The following ABCC5 variants were observed in gnomAD, a reference collection of about 807,000 sequenced individuals.
ABCC5 encodes the protein ATP binding cassette subfamily C member 5.
A neutral mutation model predicts 160.9 loss-of-function variants in ABCC5; 61 were observed. The observed-to-expected ratio is 0.38, with a 90% confidence interval of 0.31 to 0.47. ABCC5 has a LOEUF of 0.47. Ranked by LOEUF, ABCC5 falls within the 20% of genes least tolerant of loss-of-function variation. The pLI is 0.99. For missense variants in ABCC5, 1,308 were observed against 1,813.3 expected (o/e 0.72, Z 5.06); for synonymous variants, 666 against 700.6 (o/e 0.95, Z 0.78).
intron 26 of ABCC5, among the ~76,000 whole-genome samples, chr3:183,933,897 G>A (rs2108769070): frequency 6.6e-6 from 1 of 152,208 alleles, no homozygotes; most frequent in East Asian, 1.9e-4. Context: ...GGCTAATGGT[G>A]GTGGAGGCGC....
chr3:183,972,227 C>T (rs1191238416), intron 10 of ABCC5, among the ~76,000 whole-genome samples: 1 of 152,182 alleles, frequency 6.6e-6, no homozygotes, highest in African/African-American at 2.4e-5. Flanking sequence ...AACTGACTGG[C>T]ACGTAGCCCC....
intron 11 of ABCC5, among the ~76,000 whole-genome samples, chr3:183,969,897 C>T (rs1297759342): frequency 6.6e-6 from 1 of 152,082 alleles, no homozygotes; most frequent in Non-Finnish European, 1.5e-5. Context: ...TTTTCATATA[C>T]ACTGCATTCA....
intron 8 of ABCC5, among the ~76,000 whole-genome samples, chr3:183,979,470 G>A (rs1718517072): frequency 1.3e-5 from 2 of 152,152 alleles, no homozygotes. Flanking sequence ...GAAGATAGGT[G>A]AAATACAATT....
chr3:183,924,290 G>C (rs1712307470), intron 29 of ABCC5, among the ~76,000 whole-genome samples: 1 of 152,084 alleles, frequency 6.6e-6, no homozygotes, highest in Admixed American at 6.6e-5. Flanking sequence ...AAACTGCTGG[G>C]ATTACAGGCA....
intron 2 of ABCC5, among the ~76,000 whole-genome samples, chr3:183,999,345 T>C (rs1207651877): frequency 2.0e-5 from 3 of 152,062 alleles, no homozygotes; most frequent in Admixed American, 6.5e-5. Context: ...ATCAACATTC[T>C]AAGGTTGAAT....
intron 2 of ABCC5, among the ~76,000 whole-genome samples, chr3:184,003,496 G>C (rs1421255899): frequency 6.6e-6 from 1 of 152,068 alleles, no homozygotes; most frequent in Admixed American, 6.6e-5. Context: ...AACCTATATG[G>C]GGAAGAAGCA....
intron 25 of ABCC5, among the ~76,000 whole-genome samples, chr3:183,940,277 T>C (rs995153283): frequency 5.3e-5 from 8 of 150,334 alleles, no homozygotes; most frequent in Non-Finnish European, 1.2e-4. Context: ...GTGGGTGGAT[T>C]ACTTGAGGCC....
At chr3:183,923,177 A>T (rs1342126127) in intron 29 of ABCC5, among the ~76,000 whole-genome samples, 2 of 148,160 alleles carry the variant, frequency 1.3e-5, no homozygotes, top group East Asian at 2.0e-4. Context: ...TTTTTTTTTT[A>T]GGCTTTCCTG....
chr3:183,921,504 C>T lies in ABCC5; in HGVS notation c.4213-103G>A. ...TGCCAGTGCCCTCTGAGGGTAGAAT[C>T]TGGGGACAATTCAACTAGCCCTGCG... On this transcript the variant is annotated intron_variant, in intron 29 of 29. Transcript: ENST00000334444. The surrounding 1 kb of genome is among the most constrained non-coding windows in gnomAD (Gnocchi z 4.1). 1 of 1,051,034 alleles carries T rather than the reference C, an allele frequency of 9.5e-7. No homozygotes were observed. The highest frequency in any genetic ancestry group is 2.1e-5 in the South Asian group (1 of 48,570). 65.1% of individuals were successfully genotyped at this position (1,051,034 alleles called of 1,614,324 possible).
chr3:183,967,936 T>C (rs1717377262), intron 11 of ABCC5, among the ~76,000 whole-genome samples, 170 bp from the exon 12 acceptor site: 1 of 152,096 alleles, frequency 6.6e-6, no homozygotes, highest in Admixed American at 6.6e-5. Flanking sequence ...ATCTCATGGG[T>C]TTCTGTGGAG....
intron 26 of ABCC5, among the ~76,000 whole-genome samples, chr3:183,936,659 C>A (rs1560474218): frequency 6.6e-6 from 1 of 152,146 alleles, no homozygotes; most frequent in Non-Finnish European, 1.5e-5. Context: ...AGGCGCCCAC[C>A]ACCACGCCCG....
intron 29 of ABCC5, among the ~76,000 whole-genome samples, chr3:183,924,835 T>C (rs910810968): frequency 6.6e-6 from 1 of 152,168 alleles, no homozygotes; most frequent in Non-Finnish European, 1.5e-5. Flanking sequence ...GGGGGTTTCA[T>C]GGAGGCTTTG....
chr3:183,970,746 T>C (rs1424194394), intron 11 of ABCC5, among the ~76,000 whole-genome samples: 2 of 152,126 alleles, frequency 1.3e-5, no homozygotes, highest in African/African-American at 4.8e-5. Context: ...CTCTGTCCCC[T>C]TCTGTCATAG....
rs563253011 is a variant in ABCC5, at chr3:184,015,936, G to C, written c.-55-1489C>G. ...CTAGCTTAGCTGATTATCTGGAAGA[G>C]GAAAAGATTAGTACTACCTTTTTAA... is the stretch of plus-strand genomic sequence containing the variant. On this transcript the variant is annotated intron_variant, in intron 1 of 29. Coordinates refer to ENST00000334444, the MANE Select transcript of ABCC5 (RefSeq NM_005688.4). Among the ~76,000 whole-genome samples, 297 of 152,312 alleles carry C rather than the reference G, an allele frequency of 1.9e-3. 2 individuals are homozygous for C. The highest frequency in any genetic ancestry group is 7.0e-3 in the Admixed American group (107 of 15,294).
chr3:183,951,856 C>T lies in ABCC5; in HGVS notation c.2814+1G>A. The T allele has an allele frequency of 6.2e-7, 1 of 1,613,260 alleles. No individual in the cohort carries two copies. Among genetic ancestry groups the T allele is most frequent in the African/African-American group, 1.3e-5 (1 of 75,052 alleles). On this transcript the variant is annotated splice_donor_variant, in intron 19 of 29. Coordinates refer to ENST00000334444, the MANE Select transcript of ABCC5 (RefSeq NM_005688.4). LOFTEE classifies it high-confidence loss of function. The surrounding 1 kb of genome is among the most constrained non-coding windows in gnomAD (Gnocchi z 4.7). Reference sequence around the variant, plus strand: ...GGCAGAGACCACCCACCAATGCATACCTTGACAAAGACAACTCCTCGAATG... The same window carrying T: ...GGCAGAGACCACCCACCAATGCATATCTTGACAAAGACAACTCCTCGAATG...
At chr3:183,952,817 A>G (rs1027369282) in intron 18 of ABCC5, among the ~76,000 whole-genome samples, 4 of 152,224 alleles carry the variant, frequency 2.6e-5, no homozygotes, top group Non-Finnish European at 4.4e-5. Context: ...ATTTCTCTGT[A>G]GCAGTGCAAA....
chr3:183,994,210 TTTAAC>T (rs1352585870), intron 2 of ABCC5, among the ~76,000 whole-genome samples: 3 of 151,566 alleles, frequency 2.0e-5, no homozygotes, highest in African/African-American at 4.9e-5. Flanking sequence ...TCACTTCTTG[TTTAAC>T]TTTTGATAGC....
intron 22 of ABCC5, among the ~76,000 whole-genome samples, chr3:183,947,770 A>G (rs1201161108): frequency 6.6e-6 from 1 of 152,212 alleles, no homozygotes; most frequent in East Asian, 1.9e-4. Flanking sequence ...GATGTTATGG[A>G]AAACATCTAT....
intron 26 of ABCC5, among the ~76,000 whole-genome samples, chr3:183,931,711 T>C (rs989577602): frequency 5.3e-5 from 8 of 152,162 alleles, no homozygotes; most frequent in African/African-American, 1.2e-4. Context: ...GGGTTCCAGA[T>C]AGAAAATGAA....
Sources: gnomAD v4.1 joint callset for allele counts (sites outside exome capture counted in the v4.1 genomes callset) on GRCh38, gnomAD v4.1.1 for gene constraint, Gnocchi (gnomAD v3.1) non-coding constraint, MANE v1.5 for transcripts, NCBI Gene and HGNC (gene_info 2026-07-23, HGNC 2026-07-21) for gene names.